The following DEPTOR variants were observed in gnomAD, a reference collection of about 807,000 sequenced individuals.
DEPTOR encodes the protein DEP domain containing MTOR interacting protein, also known as DEP domain-containing mTOR-interacting protein.
In DEPTOR, 41 loss-of-function variants were observed where a neutral mutation model predicts 41.6. That is an observed-to-expected ratio of 0.98 (90% CI 0.77 to 1.28). The LOEUF (loss-of-function observed/expected upper bound fraction) is 1.28, where lower values mean the gene tolerates loss of function less well. Among genes scored for constraint, DEPTOR ranks in the 50% most tolerant of loss-of-function variants. The probability of loss-of-function intolerance (pLI) is 0.00; values close to 1 mark genes in which losing one functional copy is unlikely to be tolerated. For missense variants in DEPTOR, 514 were observed against 527.9 expected, an observed-to-expected ratio of 0.97 and a Z score of 0.26; for synonymous variants, 195 against 192.3, an observed-to-expected ratio of 1.01 and a Z score of -0.12.
chr8:119,924,634 G>C (rs9987140), intron 1 of DEPTOR, among the ~76,000 whole-genome samples: 1 of 151,608 alleles, frequency 6.6e-6, no homozygotes, highest in Non-Finnish European at 1.5e-5. Flanking sequence ...GTATTTTAAG[G>C]CTAATCTACC....
At chr8:119,904,988 T>TTTTTTTTG (rs1827644174) in intron 1 of DEPTOR, among the ~76,000 whole-genome samples, 1 of 110,676 alleles carries the variant, frequency 9.0e-6, no homozygotes, top group South Asian at 2.9e-4. Flanking sequence ...TTTTTTTTTT[T>TTTTTTTTG]GTAGAGACAG....
chr8:119,967,174 G>T (rs1407763045), intron 4 of DEPTOR, among the ~76,000 whole-genome samples: 1 of 151,972 alleles, frequency 6.6e-6, no homozygotes, highest in African/African-American at 2.4e-5. Context: ...CGCCTCCCAG[G>T]TTCAGGTGAT....
At chr8:120,032,043 C>T (rs757468074) in intron 8 of DEPTOR, among the ~76,000 whole-genome samples, 5 of 152,100 alleles carry the variant, frequency 3.3e-5, no homozygotes, top group Non-Finnish European at 7.4e-5. Flanking sequence ...ACTAACAGCA[C>T]TTCCGCCTTT....
intron 6 of DEPTOR, among the ~76,000 whole-genome samples, chr8:120,003,321 T>A (rs188904073): frequency 2.0e-5 from 3 of 152,158 alleles, no homozygotes; most frequent in African/African-American, 7.2e-5. Context: ...AAGGCTATCA[T>A]TGACCCAGTA....
chr8:119,908,792 C>T (rs909864837), intron 1 of DEPTOR, among the ~76,000 whole-genome samples: 1 of 152,206 alleles, frequency 6.6e-6, no homozygotes, highest in Admixed American at 6.5e-5. Flanking sequence ...CCCTGAGCTT[C>T]CCTTGTGTAA....
chr8:119,893,240 A>T (rs1223794369), intron 1 of DEPTOR, among the ~76,000 whole-genome samples: 1 of 152,198 alleles, frequency 6.6e-6, no homozygotes, highest in East Asian at 1.9e-4. Flanking sequence ...TGCTTAATTA[A>T]CCAGGGGAAA....
At chr8:119,988,563 AC>A (rs1828858326) in intron 4 of DEPTOR, among the ~76,000 whole-genome samples, 1 of 151,766 alleles carries the variant, frequency 6.6e-6, no homozygotes, top group South Asian at 2.1e-4. Context: ...GTTCACTGTA[AC>A]CTCTGCCTCC....
At chr8:119,936,649 G>A (rs913161978) in intron 3 of DEPTOR, among the ~76,000 whole-genome samples, 2 of 152,166 alleles carry the variant, frequency 1.3e-5, no homozygotes, top group Admixed American at 1.3e-4. Flanking sequence ...TCAAGCTTTT[G>A]TCTCCATCTT....
intron 3 of DEPTOR, among the ~76,000 whole-genome samples, chr8:119,958,122 CAAT>C (rs1198422629): frequency 6.6e-6 from 1 of 152,182 alleles, no homozygotes; most frequent in Non-Finnish European, 1.5e-5. Context: ...TCTAAAACAA[CAAT>C]GATGTGTTAT....
intron 1 of DEPTOR, among the ~76,000 whole-genome samples, chr8:119,889,606 G>GGAGGGGAC (rs1296278008): frequency 2.0e-5 from 2 of 98,238 alleles, no homozygotes; most frequent in East Asian, 9.7e-4. Context: ...GGGGAGGTGG[G>GGAGGGGAC]GAGGGGACGG....
At chr8:119,957,870 C>T (rs146366605) in intron 3 of DEPTOR, among the ~76,000 whole-genome samples, 10 of 152,258 alleles carry the variant, frequency 6.6e-5, no homozygotes, top group South Asian at 2.1e-4. Flanking sequence ...ATTTTACAGG[C>T]GTGAGCCCCT....
intron 8 of DEPTOR, among the ~76,000 whole-genome samples, chr8:120,021,360 G>A (rs10102329): frequency 0.041 from 6,262 of 152,226 alleles, 274 homozygotes; most frequent in South Asian, 0.2. Flanking sequence ...CTGAGATTGC[G>A]CCACTGTACT....
Position 120,050,116 on chromosome 8 carries a change from T to C in DEPTOR, c.*412T>C, listed in dbSNP as rs78301478. The C allele has an allele frequency of 4.6e-4, 71 of 154,356 alleles. No homozygotes were observed. In the East Asian group the frequency reaches 0.013, roughly 29 times the overall value. 9.6% of individuals were successfully genotyped at this position (154,356 alleles called of 1,614,324 possible). On this transcript the variant is annotated 3_prime_UTR_variant, in exon 9 of 9. Coordinates refer to ENST00000286234, the MANE Select transcript of DEPTOR (RefSeq NM_022783.4). ...AATTGTACTTTCTCCAAAATTAGCATGCAGCTATTTAATAGGGAATCTAGA... is the reference window on the plus strand; with the variant it reads ...AATTGTACTTTCTCCAAAATTAGCACGCAGCTATTTAATAGGGAATCTAGA...
intron 3 of DEPTOR, among the ~76,000 whole-genome samples, chr8:119,943,697 C>T (rs1482413603): frequency 6.6e-6 from 1 of 152,118 alleles, no homozygotes; most frequent in Non-Finnish European, 1.5e-5. Context: ...TCTCTACAAT[C>T]CTGAGGCCTA....
chr8:119,948,628 C>G (rs1309536647), intron 3 of DEPTOR, among the ~76,000 whole-genome samples: 1 of 151,900 alleles, frequency 6.6e-6, no homozygotes, highest in Admixed American at 6.6e-5. Context: ...TGTATGCAAC[C>G]ATTACGACAG....
At chr8:120,002,532 T>G (rs778493854) in intron 5 of DEPTOR, among the ~76,000 whole-genome samples, 5 of 151,908 alleles carry the variant, frequency 3.3e-5, no homozygotes, top group Non-Finnish European at 7.4e-5. Context: ...GAAGATTATT[T>G]CTGTGGGCAT....
intron 3 of DEPTOR, among the ~76,000 whole-genome samples, chr8:119,930,923 AT>A (rs1386026318): frequency 4.6e-5 from 7 of 152,044 alleles, no homozygotes; most frequent in Non-Finnish European, 2.9e-5. Context: ...AAAAATACGT[AT>A]TTATCGGCCA....
Position 119,916,281 on chromosome 8 carries a change from T to G in DEPTOR, c.123-12119T>G, listed in dbSNP as rs1235784207. Among the ~76,000 whole-genome samples the G allele has an allele frequency of 9.7e-4, 143 of 147,732 alleles. 1 individual carries two copies. Among genetic ancestry groups the G allele is most frequent in the African/African-American group, 2.6e-3 (105 of 40,142 alleles). The stretch of plus-strand genomic sequence containing the variant: ...GGCTAGGCTAATTTTTTTTTTTTTT[T>G]TTTTTTTTTTTTTTTTTTTTTAGAA... On this transcript the variant is annotated intron_variant, in intron 1 of 8. Transcript: ENST00000286234.
chr8:119,976,682 G>A (rs927752694), intron 4 of DEPTOR, among the ~76,000 whole-genome samples: 1 of 152,156 alleles, frequency 6.6e-6, no homozygotes, highest in Non-Finnish European at 1.5e-5. Flanking sequence ...CTATGGCCAG[G>A]TGAATCAGCT....
Sources: gnomAD v4.1 joint callset for allele counts (sites outside exome capture counted in the v4.1 genomes callset) on GRCh38, gnomAD v4.1.1 for gene constraint, MANE v1.5 for transcripts, NCBI Gene and HGNC (gene_info 2026-07-23, HGNC 2026-07-21) for gene names.